The following EVI5 variants were observed in gnomAD, a reference collection of about 807,000 sequenced individuals.
EVI5 encodes the protein ecotropic viral integration site 5 protein homolog.
Under a neutral mutation model 112.0 loss-of-function variants are expected in EVI5, and 73 were observed. That is an observed-to-expected ratio of 0.65 (90% CI 0.54 to 0.79). The LOEUF is 0.79. EVI5 is among the 30% of genes least tolerant of loss of function. The probability of loss-of-function intolerance (pLI) is 0.00; values close to 1 mark genes in which losing one functional copy is unlikely to be tolerated. For missense variants in EVI5, 900 were observed against 968.8 expected (o/e 0.93, Z 0.94); for synonymous variants, 305 against 319.9 (o/e 0.95, Z 0.50).
At chr1:92,627,005 T>C (rs541936103) in intron 14 of EVI5, among the ~76,000 whole-genome samples, 1 of 152,320 alleles carries the variant, frequency 6.6e-6, no homozygotes, top group Admixed American at 6.5e-5. Context: ...GATTCATGGA[T>C]ACAAGGTTTA....
chr1:92,556,250 G>T (rs1172271231), intron 19 of EVI5, among the ~76,000 whole-genome samples: 2 of 151,892 alleles, frequency 1.3e-5, no homozygotes, highest in East Asian at 3.9e-4. Flanking sequence ...TTTTAGTAGA[G>T]ACGGGGTTTC....
chr1:92,545,724 A>G (rs1471308573), intron 19 of EVI5, among the ~76,000 whole-genome samples: 2 of 152,112 alleles, frequency 1.3e-5, no homozygotes, highest in African/African-American at 4.8e-5. Context: ...TATGAATGTT[A>G]TTTTCGGTAC....
intron 18 of EVI5, among the ~76,000 whole-genome samples, chr1:92,573,393 T>C (rs1221924700): frequency 6.6e-6 from 1 of 152,132 alleles, no homozygotes; most frequent in Non-Finnish European, 1.5e-5. Flanking sequence ...ATGTATATGC[T>C]AATAATAAAT....
chr1:92,520,694 C>A (rs1315151661), intron 19 of EVI5, among the ~76,000 whole-genome samples: 1 of 151,492 alleles, frequency 6.6e-6, no homozygotes, highest in Non-Finnish European at 1.5e-5. Context: ...CTACAAAAAA[C>A]ACAAAAATTA....
In EVI5 at chr1:92,703,377, T is replaced by C; in HGVS notation, c.564+18A>G. 7.1e-7 allele frequency: 1 copy of C among 1,398,748 alleles called. No individual in the cohort carries two copies. Among genetic ancestry groups the C allele is most frequent in the Non-Finnish European group, 9.8e-7 (1 of 1,022,602 alleles). 86.6% of individuals were successfully genotyped at this position (1,398,748 alleles called of 1,614,324 possible). On this transcript the variant is annotated intron_variant, in intron 4 of 19. Transcript: ENST00000684568. ...CAGGAATTCATTTCATTTCAAAAAA[T>C]GAATAAATAAAACTTACCTTCATTA...
intron 2 of EVI5, among the ~76,000 whole-genome samples, chr1:92,709,063 C>T (rs1004404037): frequency 1.3e-5 from 2 of 152,038 alleles, no homozygotes; most frequent in Admixed American, 6.6e-5. Context: ...GTAGACAAAA[C>T]ACAACTGAAC....
intron 2 of EVI5, among the ~76,000 whole-genome samples, chr1:92,717,134 C>G (rs972052161): frequency 6.6e-6 from 1 of 152,140 alleles, no homozygotes; most frequent in Non-Finnish European, 1.5e-5. Context: ...CTACGTGATG[C>G]ATACACAAGT....
intron 18 of EVI5, among the ~76,000 whole-genome samples, chr1:92,583,802 A>C (rs916549704): frequency 1.3e-5 from 2 of 151,510 alleles, no homozygotes; most frequent in African/African-American, 2.4e-5. Context: ...TTAGTTATTA[A>C]ATTTTCACAT....
chr1:92,551,042 T>TTTTTTTTTTTTTTTTTTTTTTTTC, intron 19 of EVI5, among the ~76,000 whole-genome samples: 1 of 73,542 alleles, frequency 1.4e-5, no homozygotes, highest in Non-Finnish European at 2.6e-5. Flanking sequence ...CTTTCTTTCT[T>TTTTTTTTTTTTTTTTTTTTTTTTC]TTTTTTTTTT....
chr1:92,569,537 T>G (rs1389299066), intron 18 of EVI5, among the ~76,000 whole-genome samples: 1 of 152,162 alleles, frequency 6.6e-6, no homozygotes, highest in African/African-American at 2.4e-5. Flanking sequence ...GTCTGCCTCT[T>G]GTTTTTAATC....
intron 1 of EVI5, among the ~76,000 whole-genome samples, chr1:92,752,485 A>G (rs1371327205): frequency 2.0e-5 from 3 of 151,976 alleles, no homozygotes; most frequent in Non-Finnish European, 4.4e-5. Context: ...AGCCTAATGA[A>G]ACGTCTTAAT....
chr1:92,567,268 A>T (rs1308403328), intron 18 of EVI5, among the ~76,000 whole-genome samples: 3 of 152,236 alleles, frequency 2.0e-5, no homozygotes, highest in Admixed American at 2.0e-4. Context: ...TAAGTTTATA[A>T]AGTGAAAAAG....
chr1:92,596,535 A>G (rs1275142692), intron 18 of EVI5, among the ~76,000 whole-genome samples: 1 of 152,220 alleles, frequency 6.6e-6, no homozygotes, highest in Admixed American at 6.5e-5. Context: ...TGGAATAATT[A>G]AAGTTGTTAA....
chr1:92,638,936 T>C (rs1307298486), intron 13 of EVI5, among the ~76,000 whole-genome samples: 1 of 152,148 alleles, frequency 6.6e-6, no homozygotes, highest in Non-Finnish European at 1.5e-5. Context: ...TCTCACATAA[T>C]GTTCTTGTAT....
chr1:92,558,075 T>C (rs1410159552), intron 19 of EVI5, among the ~76,000 whole-genome samples: 1 of 152,076 alleles, frequency 6.6e-6, no homozygotes, highest in Non-Finnish European at 1.5e-5. Flanking sequence ...TTCAAAAGGA[T>C]CAGGGAAGTT....
intron 9 of EVI5, among the ~76,000 whole-genome samples, chr1:92,683,916 A>G (rs1469928224): frequency 6.6e-6 from 1 of 152,204 alleles, no homozygotes; most frequent in Non-Finnish European, 1.5e-5. Flanking sequence ...AAGACCAAAT[A>G]TACATTTGAT....
At chr1:92,528,084 T>A (rs903582040) in intron 19 of EVI5, among the ~76,000 whole-genome samples, 5 of 152,250 alleles carry the variant, frequency 3.3e-5, no homozygotes, top group African/African-American at 1.2e-4. Context: ...CCTTACCTTC[T>A]GCCTAGTTAA....
intron 14 of EVI5, among the ~76,000 whole-genome samples, chr1:92,630,180 C>T (rs1373102864): frequency 6.6e-6 from 1 of 152,136 alleles, no homozygotes; most frequent in East Asian, 1.9e-4. Context: ...TGGGTATATA[C>T]CCAGTAATGG....
At chr1:92,519,786 C>T (rs1660573577) in intron 19 of EVI5, among the ~76,000 whole-genome samples, 2 of 151,128 alleles carry the variant, frequency 1.3e-5, no homozygotes, top group South Asian at 4.2e-4. Context: ...ATCCCAGCTA[C>T]TTGGGAGGCT....
Sources: allele counts gnomAD v4.1 joint callset (sites outside exome capture counted in the v4.1 genomes callset), GRCh38; gene constraint gnomAD v4.1.1; transcripts MANE v1.5; gene names NCBI Gene and HGNC (gene_info 2026-07-23, HGNC 2026-07-21).